Variants in GALK2 observed in about 807,000 individuals in gnomAD.
The protein encoded by GALK2 is galactokinase 2.
Under a neutral mutation model 52.4 loss-of-function variants are expected in GALK2, and 36 were observed. The observed-to-expected ratio is 0.69, with a 90% confidence interval of 0.53 to 0.91. GALK2 has a LOEUF of 0.91. Ranked by LOEUF, GALK2 falls within the 40% of genes least tolerant of loss-of-function variation. The pLI is 0.00. For missense variants in GALK2, 579 were observed against 559.1 expected (o/e 1.04, Z -0.36); for synonymous variants, 176 against 199.1 (o/e 0.88, Z 0.98).
At chr15:49,311,962 G>A (rs776128224) in intron 8 of GALK2, among the ~76,000 whole-genome samples, 6 of 152,158 alleles carry the variant, frequency 3.9e-5, no homozygotes, top group Non-Finnish European at 5.9e-5. Context: ...AGATTGGGCC[G>A]GGGGCTGTCC....
At chr15:49,180,965 A>G (rs1595902887) in intron 1 of GALK2, among the ~76,000 whole-genome samples, 1 of 151,866 alleles carries the variant, frequency 6.6e-6, no homozygotes, top group East Asian at 1.9e-4. Flanking sequence ...ATCACTCTGT[A>G]TTGTCCCCCT....
intron 3 of GALK2, among the ~76,000 whole-genome samples, chr15:49,354,832 A>G (rs556342613): frequency 3.3e-5 from 5 of 152,018 alleles, no homozygotes; most frequent in East Asian, 2.0e-4. Flanking sequence ...GCAGACTTAA[A>G]TGTCCCTGTC....
At position 49,179,039 on chromosome 15, in the gene GALK2, C is replaced by G. The variant is rs184803380; in HGVS notation, c.53+8664C>G. On this transcript the variant is annotated intron_variant, in intron 1 of 9. Coordinates refer to ENST00000560031, the MANE Select transcript of GALK2 (RefSeq NM_002044.4). The stretch of plus-strand genomic sequence containing the variant: ...ATCATAACCTCGTTTTCTAAGATCT[C>G]TAATATAATTTTAATTTTGTTTTTA... Among the ~76,000 whole-genome samples the G allele has an allele frequency of 4.7e-4, 72 of 152,144 alleles. 1 individual carries two copies. The highest frequency in any genetic ancestry group is 1.5e-3 in the African/African-American group (61 of 41,510).
At chr15:49,245,971 C>G (rs1462431132) in intron 5 of GALK2, among the ~76,000 whole-genome samples, 1 of 152,096 alleles carries the variant, frequency 6.6e-6, no homozygotes, top group Non-Finnish European at 1.5e-5. Context: ...TATTTCAGTA[C>G]TCTGCATACT....
At chr15:49,307,349 A>G (rs537090163) in intron 8 of GALK2, among the ~76,000 whole-genome samples, 2 of 152,174 alleles carry the variant, frequency 1.3e-5, no homozygotes, top group Admixed American at 6.5e-5. Context: ...TTGTTGGGCA[A>G]TGGAAAAATA....
At chr15:49,265,600 C>T (rs1022881905) in intron 5 of GALK2, among the ~76,000 whole-genome samples, 1 of 152,242 alleles carries the variant, frequency 6.6e-6, no homozygotes, top group South Asian at 2.1e-4. Context: ...CACTGTCTGG[C>T]ACTCCCTAGG....
chr15:49,265,541 C>T (rs111654336), intron 5 of GALK2, among the ~76,000 whole-genome samples: 9,198 of 152,312 alleles, frequency 0.06, 557 homozygotes, highest in African/African-American at 0.15. Context: ...GGCAATGCCT[C>T]GCCCTGTTTT....
intron 5 of GALK2, among the ~76,000 whole-genome samples, chr15:49,240,221 G>C (rs2091024661): frequency 6.6e-6 from 1 of 152,170 alleles, no homozygotes; most frequent in African/African-American, 2.4e-5. Context: ...GACTGGTTGG[G>C]AGGGAAAGGG....
chr15:49,345,967 A>G (rs947990495), intron 3 of GALK2, among the ~76,000 whole-genome samples: 8 of 152,108 alleles, frequency 5.3e-5, no homozygotes, highest in Non-Finnish European at 1.2e-4. Flanking sequence ...TTATCTGCCA[A>G]AAGTATTGTC....
At chr15:49,229,053 C>A (rs192022922) in intron 3 of GALK2, among the ~76,000 whole-genome samples, 59 of 152,174 alleles carry the variant, frequency 3.9e-4, no homozygotes, top group African/African-American at 2.9e-4. Context: ...TAATAAATTT[C>A]TTTGTCATTG....
At chr15:49,353,506 G>C (rs10467992) in intron 3 of GALK2, 1 of 151,904 alleles carries the variant, frequency 6.6e-6, no homozygotes, top group African/African-American at 2.4e-5. Flanking sequence ...TTTTAAGATA[G>C]CTCACATTTC....
chr15:49,355,885 G>T (rs1172222062), intron 3 of GALK2, among the ~76,000 whole-genome samples: 1 of 152,228 alleles, frequency 6.6e-6, no homozygotes, highest in East Asian at 1.9e-4. Context: ...GACTAACAGT[G>T]GATCTCTCGG....
At chr15:49,289,968 G>A (rs2033773813) in intron 7 of GALK2, among the ~76,000 whole-genome samples, 2 of 152,290 alleles carry the variant, frequency 1.3e-5, no homozygotes, top group Non-Finnish European at 1.5e-5. Flanking sequence ...TATCTGATAG[G>A]AATACTTAAT....
rs764698505 is a variant in GALK2, at chr15:49,210,957, T to TCACACACACACA, written c.143-6229_143-6218dup. ...AGACGGGGTTTCCCAATGTTGGCTG[T>TCACACACACACA]CACACACACACACACTCACACACAC... On this transcript the variant is annotated intron_variant, in intron 2 of 9. Transcript: ENST00000560031. 3.7e-3 allele frequency among the ~76,000 whole-genome samples: 415 copies of TCACACACACACA among 112,820 alleles called. 1 individual carries two copies. The highest frequency in any genetic ancestry group is 6.1e-3 in the Admixed American group (60 of 9,846). 74.0% of individuals were successfully genotyped at this position (112,820 alleles called of 152,430 possible). A position where few individuals can be genotyped will look rare whatever the true frequency, so the allele number is the denominator to read the frequency against.
intron 1 of GALK2, among the ~76,000 whole-genome samples, chr15:49,180,668 T>A (rs2085888594): frequency 1.3e-5 from 2 of 152,190 alleles, no homozygotes; most frequent in South Asian, 4.1e-4. Context: ...CTTGATATCC[T>A]CCAACCTCCT....
At chr15:49,195,337 C>G (rs1382451846) in intron 1 of GALK2, 2 of 237,230 alleles carry the variant, frequency 8.4e-6, no homozygotes, top group Non-Finnish European at 1.7e-5. Context: ...TCCCAAAGTG[C>G]TGGGATTACA....
chr15:49,232,722 C>T (rs895307560), intron 3 of GALK2, among the ~76,000 whole-genome samples: 9 of 152,304 alleles, frequency 5.9e-5, no homozygotes, highest in Admixed American at 3.9e-4. Context: ...CTGTCAGTAA[C>T]CTAAACCATC....
intron 8 of GALK2, among the ~76,000 whole-genome samples, chr15:49,294,006 A>G (rs1444239768): frequency 1.3e-5 from 2 of 151,958 alleles, no homozygotes; most frequent in Non-Finnish European, 2.9e-5. Flanking sequence ...TGGCTGAGGC[A>G]TGAGAATTTT....
chr15:49,330,756 AAAG>A lies in GALK2; in HGVS notation c.*2599_*2601del, dbSNP rs1391124456. ...GGGAAGATAGACCAAAAAAAAAAAA[AAAG>A]AGAGAAAGAATGAATATTTTTGTGT... On this transcript the variant is annotated 3_prime_UTR_variant, in exon 10 of 10. Transcript: ENST00000560031. 1 of 152,058 alleles carries A rather than the reference AAAG, an allele frequency of 6.6e-6. No homozygotes were observed. Among genetic ancestry groups the A allele is most frequent in the Non-Finnish European group, 1.5e-5 (1 of 67,982 alleles). 9.4% of individuals were successfully genotyped at this position (152,058 alleles called of 1,614,324 possible). A position where few individuals can be genotyped will look rare whatever the true frequency, so the allele number is the denominator to read the frequency against.
Sources: allele counts gnomAD v4.1 joint callset (sites outside exome capture counted in the v4.1 genomes callset), GRCh38; gene constraint gnomAD v4.1.1; transcripts MANE v1.5; gene names NCBI Gene and HGNC (gene_info 2026-07-23, HGNC 2026-07-21).